SRD5A1: variants seen among roughly 807,000 people sequenced by gnomAD.
SRD5A1 encodes the protein 3-oxo-5-alpha-steroid 4-dehydrogenase 1.
SRD5A1 carries 22 observed loss-of-function variants against 28.2 expected under a neutral mutation model. The ratio of observed to expected loss-of-function variants is 0.78; its 90% CI spans 0.56 to 1.12. SRD5A1 has a LOEUF of 1.12. Among genes scored for constraint, SRD5A1 ranks in the 50% most tolerant of loss-of-function variants. The pLI is 0.00. For synonymous variants in SRD5A1, 151 were observed against 135.0 expected (o/e 1.12, Z -0.82); for missense variants, 300 against 346.7 (o/e 0.87, Z 1.07).
chr5:6,669,754 G>C lies in SRD5A1; in HGVS notation c.*1486G>C, dbSNP rs1344707439. ...TTTAAAGTAGCCTTGAGAGCTTCCA[G>C]TTAAATCTGATGAGCTGAACATACA... On this transcript the variant is annotated 3_prime_UTR_variant, in exon 5 of 5. Coordinates refer to ENST00000274192, the MANE Select transcript of SRD5A1 (RefSeq NM_001047.4). 4 of 152,226 alleles carry C rather than the reference G, an allele frequency of 2.6e-5. No homozygotes were observed. The highest frequency in any genetic ancestry group is 5.9e-5 in the Non-Finnish European group (4 of 68,044). The allele number at this position is 152,226 out of a possible 1,614,324, so 9.4% of individuals were successfully genotyped here. A position where few individuals can be genotyped will look rare whatever the true frequency, so the allele number is the denominator to read the frequency against.
At chr5:6,643,772 C>G (rs1407155968) in intron 1 of SRD5A1, among the ~76,000 whole-genome samples, 2 of 152,116 alleles carry the variant, frequency 1.3e-5, no homozygotes, top group African/African-American at 4.8e-5. Flanking sequence ...AACCAATGAG[C>G]CGCCCGATAA....
Position 6,669,567 on chromosome 5 carries a change from G to A in SRD5A1, c.*1299G>A, listed in dbSNP as rs1739303319. The A allele has an allele frequency of 6.6e-6, 1 of 152,194 alleles. No homozygotes were observed. Among genetic ancestry groups the A allele is most frequent in the Non-Finnish European group, 1.5e-5 (1 of 68,040 alleles). The allele number at this position is 152,194 out of a possible 1,614,324, so 9.4% of individuals were successfully genotyped here. On this transcript the variant is annotated 3_prime_UTR_variant, in exon 5 of 5. Transcript: ENST00000274192. The stretch of plus-strand genomic sequence containing the variant: ...TAAATAGACTTTGCCATTTAACAAG[G>A]TAGCTCAAATTCTTTTACTAATTGT...
intron 3 of SRD5A1, among the ~76,000 whole-genome samples, chr5:6,657,364 G>A (rs939640294): frequency 5.3e-5 from 8 of 152,312 alleles, no homozygotes; most frequent in Middle Eastern, 3.4e-3. Flanking sequence ...TTTGGTGTTG[G>A]GCTTATGAGC....
chr5:6,641,737 T>G (rs1350958434), intron 1 of SRD5A1, among the ~76,000 whole-genome samples: 1 of 152,226 alleles, frequency 6.6e-6, no homozygotes, highest in Non-Finnish European at 1.5e-5. Flanking sequence ...GGACAAATCT[T>G]ATCCTGAGGT....
chr5:6,646,873 G>A (rs575747022), intron 1 of SRD5A1, among the ~76,000 whole-genome samples: 1 of 152,260 alleles, frequency 6.6e-6, no homozygotes, highest in East Asian at 1.9e-4. Flanking sequence ...GGGTTAGGGT[G>A]TCGATTTTAG....
At chr5:6,642,048 T>C (rs1738376161) in intron 1 of SRD5A1, among the ~76,000 whole-genome samples, 1 of 152,258 alleles carries the variant, frequency 6.6e-6, no homozygotes, top group Admixed American at 6.5e-5. Flanking sequence ...AAACACATTT[T>C]CACAAAAGTT....
chr5:6,634,782 C>T (rs1738128519), intron 1 of SRD5A1, among the ~76,000 whole-genome samples: 1 of 152,238 alleles, frequency 6.6e-6, no homozygotes, highest in Admixed American at 6.5e-5. Flanking sequence ...TGTCTGAAAT[C>T]TTCAAGCCTT....
At chr5:6,658,422 T>C (rs1314049681) in intron 3 of SRD5A1, among the ~76,000 whole-genome samples, 5 of 152,330 alleles carry the variant, frequency 3.3e-5, no homozygotes, top group South Asian at 2.1e-4. Context: ...TACAAACTTA[T>C]TACCTGTCGC....
At chr5:6,649,419 C>T (rs535491557) in intron 1 of SRD5A1, among the ~76,000 whole-genome samples, 25 of 152,224 alleles carry the variant, frequency 1.6e-4, no homozygotes, top group African/African-American at 4.6e-4. Flanking sequence ...AGGGTAAAAC[C>T]GTCTACTTAA....
At chr5:6,661,425 C>T (rs888201338) in intron 3 of SRD5A1, among the ~76,000 whole-genome samples, 1 of 150,568 alleles carries the variant, frequency 6.6e-6, no homozygotes, top group Non-Finnish European at 1.5e-5. Flanking sequence ...GCCAAAAGCC[C>T]TCATGCATGC....
chr5:6,666,477 A>G (rs1392221144), intron 4 of SRD5A1, among the ~76,000 whole-genome samples: 1 of 152,198 alleles, frequency 6.6e-6, no homozygotes, highest in Non-Finnish European at 1.5e-5. Context: ...ACAAAATTGT[A>G]TTCAATGAAA....
In SRD5A1 at chr5:6,670,880, G is replaced by C. The variant is rs1052478734; in HGVS notation, c.*2612G>C. 1.3e-5 allele frequency: 2 copies of C among 151,156 alleles called. No individual in the cohort carries two copies. The highest frequency in any genetic ancestry group is 3.0e-5 in the Non-Finnish European group (2 of 67,714). 9.4% of individuals were successfully genotyped at this position (151,156 alleles called of 1,614,324 possible). ...TTTTATGGCTGAGTAGTATTCCATT[G>C]TATATATATATATACCACTTGTTGA... On this transcript the variant is annotated 3_prime_UTR_variant, in exon 5 of 5. Transcript: ENST00000274192.
chr5:6,639,024 G>C (rs1738283152), intron 1 of SRD5A1, among the ~76,000 whole-genome samples: 1 of 152,178 alleles, frequency 6.6e-6, no homozygotes, highest in Non-Finnish European at 1.5e-5. Flanking sequence ...TCCCAAACTT[G>C]GGGGTACAAC....
chr5:6,644,724 T>G, intron 1 of SRD5A1: 1 of 370,346 alleles, frequency 2.7e-6, no homozygotes, highest in South Asian at 2.0e-5. Flanking sequence ...AAGACAAGAT[T>G]GCCTCCTGTT....
intron 1 of SRD5A1, among the ~76,000 whole-genome samples, chr5:6,635,827 A>G (rs477755): frequency 0.17 from 25,584 of 152,116 alleles, 2,361 homozygotes; most frequent in East Asian, 0.22. Context: ...ATCATGTTTC[A>G]TTGTACCTAC....
rs8192237 is a variant in SRD5A1, at chr5:6,666,241, A to G, written c.714-1961A>G. ...CGGCTCACTGCAAGCTCTGCCTCCCAGGTTCACGCCATTCTCCTGCCTCAG... is the reference window on the plus strand; with the variant it reads ...CGGCTCACTGCAAGCTCTGCCTCCCGGGTTCACGCCATTCTCCTGCCTCAG... On this transcript the variant is annotated intron_variant, in intron 4 of 4. Coordinates refer to ENST00000274192, the MANE Select transcript of SRD5A1 (RefSeq NM_001047.4). Among the ~76,000 whole-genome samples, 604 of 151,850 alleles carry G rather than the reference A, an allele frequency of 4.0e-3. 8 individuals are homozygous for G. The highest frequency in any genetic ancestry group is 0.014 in the African/African-American group (574 of 41,410).
At chr5:6,639,585 C>A (rs28393089) in intron 1 of SRD5A1, among the ~76,000 whole-genome samples, 2,399 of 152,270 alleles carry the variant, frequency 0.016, 93 homozygotes, top group African/African-American at 0.055. Context: ...CATTTTTCTT[C>A]CTGGGTGCTT....
chr5:6,657,730 C>T (rs1738875546), intron 3 of SRD5A1, among the ~76,000 whole-genome samples: 1 of 152,206 alleles, frequency 6.6e-6, no homozygotes, highest in Admixed American at 6.5e-5. Context: ...GAGGGCCCTC[C>T]TGGGCCAGGC....
In SRD5A1 at chr5:6,656,097, G is replaced by A. The variant is rs3736316; in HGVS notation, c.480G>A (p.Thr160=). The A allele has an allele frequency of 0.36, 577,311 of 1,611,670 alleles. 106,769 individuals carry two copies. The highest frequency in any genetic ancestry group is 0.38 in the Non-Finnish European group (445,333 of 1,178,374). ...RFLIGFGLWL[T]GMLINIHSDH... Reference sequence around the variant, plus strand: ...CTTTAGGTTTTGGCTTGTGGTTAACGGGCATGTTGATAAACATCCATTCAG... The same window carrying A: ...CTTTAGGTTTTGGCTTGTGGTTAACAGGCATGTTGATAAACATCCATTCAG... Residue 160 remains threonine, a synonymous_variant, in exon 3 of 5, where the codon ACG becomes ACA. Transcript: ENST00000274192.
Sources: gnomAD v4.1 joint callset for allele counts (sites outside exome capture counted in the v4.1 genomes callset) on GRCh38, gnomAD v4.1.1 for gene constraint, MANE v1.5 for transcripts, NCBI Gene and HGNC (gene_info 2026-07-23, HGNC 2026-07-21) for gene names.